Variants in NFIB observed in about 807,000 individuals in gnomAD.
NFIB encodes nuclear factor 1 B-type.
In NFIB, 11 loss-of-function variants were observed where a neutral mutation model predicts 61.5. That is an observed-to-expected ratio of 0.18 (90% CI 0.11 to 0.30). NFIB has a LOEUF of 0.30. Ranked by LOEUF, NFIB falls within the 10% of genes least tolerant of loss-of-function variation. The probability of loss-of-function intolerance (pLI) is 1.00; values close to 1 mark genes in which losing one functional copy is unlikely to be tolerated. For synonymous variants in NFIB, 260 were observed against 216.5 expected, an observed-to-expected ratio of 1.20 and a Z score of -1.76; for missense variants, 471 against 608.9, an observed-to-expected ratio of 0.77 and a Z score of 2.38.
At chr9:14,392,768 G>A (rs1032936653) in intron 1 of NFIB, among the ~76,000 whole-genome samples, 1 of 151,986 alleles carries the variant, frequency 6.6e-6, no homozygotes, top group Admixed American at 6.6e-5. Flanking sequence ...ACCTCATAGG[G>A]TGGTTATTCT....
the NFIB span, among the ~76,000 whole-genome samples, chr9:14,409,085 A>C: frequency 1.3e-5 from 2 of 152,172 alleles, no homozygotes; most frequent in Admixed American, 1.3e-4. Context: ...GGTGGGGAAG[A>C]AGCCCAGATT....
Position 14,116,343 on chromosome 9 carries a change from T to C in NFIB, c.1249A>G (p.Asn417Asp), listed in dbSNP as rs758385600. ...DPSSPQTSQPNGSGQVVGKVP... is the reference protein window; with the variant it reads ...DPSSPQTSQPDGSGQVVGKVP... ...TTCCCTACTACTTGACCACTGCCGT[T>C]AGGCTACAAAACAAAAACAGAATGC... The change falls in exon 9 of 11, where the codon AAC (asparagine) becomes GAC (aspartate). Residue 417 changes from asparagine (N) to aspartate (D), a missense_variant. By Grantham distance (23) the Asn-to-Asp change is conservative (BLOSUM62 1). Coordinates refer to ENST00000380953, the MANE Select transcript of NFIB (RefSeq NM_001190737.2). 5.3e-5 allele frequency: 79 copies of C among 1,503,022 alleles called. No homozygotes were observed. Among genetic ancestry groups the C allele is most frequent in the Non-Finnish European group, 7.0e-5 (79 of 1,124,524 alleles). The allele number at this position is 1,503,022 out of a possible 1,614,324, so 93.1% of individuals were successfully genotyped here.
intron 2 of NFIB, among the ~76,000 whole-genome samples, chr9:14,268,032 G>A (rs1472984626): frequency 2.0e-5 from 3 of 151,546 alleles, no homozygotes; most frequent in African/African-American, 7.3e-5. Context: ...ATACTCAGGA[G>A]GCTGAGACAT....
At chr9:14,199,098 G>C (rs1328877962) in intron 2 of NFIB, among the ~76,000 whole-genome samples, 2 of 152,212 alleles carry the variant, frequency 1.3e-5, no homozygotes, top group East Asian at 3.8e-4. Context: ...AGTGACCCAG[G>C]TTCCATTCTG....
chr9:14,489,706 T>C, the NFIB span, among the ~76,000 whole-genome samples: 1 of 152,156 alleles, frequency 6.6e-6, no homozygotes, highest in African/African-American at 2.4e-5. Flanking sequence ...TTTATAAAAA[T>C]AATAGTATGC....
intron 2 of NFIB, among the ~76,000 whole-genome samples, chr9:14,209,235 G>A (rs1030369427): frequency 1.3e-5 from 2 of 152,022 alleles, no homozygotes; most frequent in African/African-American, 4.8e-5. Flanking sequence ...ATAATTGCTC[G>A]TTTCCAATAC....
At chr9:14,429,547 T>C in the NFIB span, among the ~76,000 whole-genome samples, 1 of 152,214 alleles carries the variant, frequency 6.6e-6, no homozygotes, top group African/African-American at 2.4e-5. Flanking sequence ...ACCGGCAGAA[T>C]TGTCAATGTC....
At chr9:14,185,879 T>C (rs956818709) in intron 2 of NFIB, among the ~76,000 whole-genome samples, 11 of 152,214 alleles carry the variant, frequency 7.2e-5, no homozygotes, top group Non-Finnish European at 1.3e-4. Context: ...TAAGACATAC[T>C]ATTTTGAGTT....
intron 2 of NFIB, among the ~76,000 whole-genome samples, chr9:14,276,072 C>T (rs1320508631): frequency 6.6e-6 from 1 of 152,076 alleles, no homozygotes; most frequent in African/African-American, 2.4e-5. Context: ...TGACTAGATA[C>T]TGCAGGGGTT....
intron 2 of NFIB, 23 bp downstream of exon 2, chr9:14,306,965 GA>G: frequency 6.2e-7 from 1 of 1,610,296 alleles, no homozygotes. Flanking sequence ...TGCCGTGCTA[GA>G]AAAAAGAACA....
At chr9:14,514,917 G>A in the NFIB span, among the ~76,000 whole-genome samples, 1 of 152,128 alleles carries the variant, frequency 6.6e-6, no homozygotes, top group Non-Finnish European at 1.5e-5. Context: ...TGTAGCCATA[G>A]TTGAGAACCA....
intron 3 of NFIB, among the ~76,000 whole-genome samples, chr9:14,176,331 C>A (rs2046191976): frequency 6.7e-6 from 1 of 149,812 alleles, no homozygotes. Context: ...ATAAACAAGG[C>A]AAATGTGTAT....
At chr9:14,150,405 T>C (rs941926169) in intron 4 of NFIB, 140 bp from the exon 5 acceptor site, 3 of 1,403,732 alleles carry the variant, frequency 2.1e-6, no homozygotes, top group Middle Eastern at 2.0e-4. Context: ...ATACCCACCA[T>C]ACAACCTGGG....
At chr9:14,399,398 A>C (rs547928966), upstream of NFIB, among the ~76,000 whole-genome samples, 2 of 152,374 alleles carry the variant, frequency 1.3e-5, no homozygotes, top group South Asian at 4.1e-4. Flanking sequence ...GGAATTCTAA[A>C]TAAAGTATGA....
intron 4 of NFIB, among the ~76,000 whole-genome samples, chr9:14,152,393 T>G (rs936242015): frequency 2.0e-5 from 3 of 152,108 alleles, no homozygotes; most frequent in African/African-American, 7.2e-5. Context: ...AGTAACCGCA[T>G]GTTTTATAAT....
rs542115997 is a variant in NFIB at position 14,237,611 on chromosome 9, C to T, written c.563-57831G>A. Among the ~76,000 whole-genome samples the T allele has an allele frequency of 3.9e-5, 6 of 152,260 alleles. No individual in the cohort carries two copies. In the South Asian group the frequency reaches 6.2e-4, roughly 16 times the overall value. On this transcript the variant is annotated intron_variant, in intron 2 of 10. Transcript: ENST00000380953. ...GTATGCAAAATCTCGTCCCCACATA[C>T]CAGATGGGAAAGCTGAGGCATCCAA...
At chr9:14,282,867 G>A (rs1277575947) in intron 2 of NFIB, among the ~76,000 whole-genome samples, 1 of 152,170 alleles carries the variant, frequency 6.6e-6, no homozygotes, top group Non-Finnish European at 1.5e-5. Context: ...ATGAACTTCG[G>A]TCATGACTGG....
chr9:14,158,627 CA>C (rs2043754767), intron 3 of NFIB, among the ~76,000 whole-genome samples: 1 of 152,168 alleles, frequency 6.6e-6, no homozygotes, highest in African/African-American at 2.4e-5. Context: ...TTCAACTTTA[CA>C]AACAGGGTCA....
intron 2 of NFIB, among the ~76,000 whole-genome samples, chr9:14,302,479 A>C (rs1336092594): frequency 6.6e-6 from 1 of 152,222 alleles, no homozygotes; most frequent in East Asian, 1.9e-4. Context: ...CATAATTTTA[A>C]GGGTTCAACA....
Sources: allele counts gnomAD v4.1 joint callset (sites outside exome capture counted in the v4.1 genomes callset), GRCh38; gene constraint gnomAD v4.1.1; transcripts MANE v1.5; gene names NCBI Gene and HGNC (gene_info 2026-07-23, HGNC 2026-07-21).